EYA4: variants seen among roughly 807,000 people sequenced by gnomAD.
EYA4 encodes the protein protein phosphatase EYA4.
EYA4 carries 31 observed loss-of-function variants against 87.9 expected under a neutral mutation model. The ratio of observed to expected loss-of-function variants is 0.35; its 90% CI spans 0.27 to 0.48. EYA4 has a LOEUF of 0.48. Among genes scored for constraint, EYA4 ranks in the 20% least tolerant of loss-of-function variants. The pLI, the probability that EYA4 is intolerant of heterozygous loss-of-function variation, is 0.99. For synonymous variants in EYA4, 263 were observed against 270.6 expected, an observed-to-expected ratio of 0.97 and a Z score of 0.28; for missense variants, 678 against 761.4, an observed-to-expected ratio of 0.89 and a Z score of 1.29.
chr6:133,333,416 A>T (rs1562299821), intron 2 of EYA4, among the ~76,000 whole-genome samples: 1 of 152,202 alleles, frequency 6.6e-6, no homozygotes, highest in Non-Finnish European at 1.5e-5. Flanking sequence ...GAGAGGACTG[A>T]CACATGAGAA....
At position 133,385,389 on chromosome 6, in the gene EYA4, CTCTGTGTGTGTGTGTGTG is replaced by C. The variant is rs1390467353; in HGVS notation, c.83+2950_83+2967del. Among the ~76,000 whole-genome samples the C allele has an allele frequency of 1.5e-3, 97 of 64,976 alleles. 1 individual carries two copies. The highest frequency in any genetic ancestry group is 3.3e-3 in the African/African-American group (86 of 26,136). 42.6% of individuals were successfully genotyped at this position (64,976 alleles called of 152,430 possible). On this transcript the variant is annotated intron_variant, in intron 3 of 19. Transcript: ENST00000355286. ...TCCTCTGTGTGTGTATGTATGCTCT[CTCTGTGTGTGTGTGTGTG>C]TGTGTGTGTGTGTGTGTGTGTGTGT... is the stretch of plus-strand genomic sequence containing the variant.
At chr6:133,257,629 G>A (rs1478304088) in intron 1 of EYA4, among the ~76,000 whole-genome samples, 2 of 152,172 alleles carry the variant, frequency 1.3e-5, no homozygotes, top group Non-Finnish European at 2.9e-5. Context: ...TCTCACTGCT[G>A]TGAGGGAATT....
chr6:133,426,622 G>T (rs1444270097), intron 3 of EYA4, among the ~76,000 whole-genome samples: 1 of 152,168 alleles, frequency 6.6e-6, no homozygotes, highest in African/African-American at 2.4e-5. Flanking sequence ...GCTTTCAAAA[G>T]CTCTAGCTAC....
Position 133,351,050 on chromosome 6 carries a change from ACTGT to A in EYA4, c.34-31338_34-31335del, listed in dbSNP as rs550466663. On this transcript the variant is annotated intron_variant, in intron 2 of 19. Transcript: ENST00000355286. ...GGAGATGCTGGATATTTGGCTGTTG[ACTGT>A]CTGGGTTTTATTGTCTTTTTTATGG... is the stretch of plus-strand genomic sequence containing the variant. 4.0e-5 allele frequency among the ~76,000 whole-genome samples: 6 copies of A among 151,098 alleles called. No homozygotes were observed. The South Asian group carries it at 1.0e-3, about 26-fold the overall frequency.
At chr6:133,416,867 C>T (rs1020469337) in intron 3 of EYA4, among the ~76,000 whole-genome samples, 5 of 152,098 alleles carry the variant, frequency 3.3e-5, no homozygotes, top group African/African-American at 1.2e-4. Context: ...AGCGTTCAAA[C>T]GGAATGTTCT....
intron 3 of EYA4, among the ~76,000 whole-genome samples, chr6:133,428,911 C>CTTCTTTTTTTTTT (rs1790919538): frequency 2.1e-5 from 1 of 48,230 alleles, no homozygotes; most frequent in Non-Finnish European, 3.6e-5. Context: ...GATTTAGCTT[C>CTTCTTTTTTTTTT]TTTTTTTTTT....
rs531161342 is a variant in EYA4 at position 133,256,833 on chromosome 6, T to G, written c.-66+15084T>G. Reference sequence around the variant, plus strand: ...TCTCCAGAATATTCAGTTCTTGTAGTTTTTGGTTAAGATTTTGATTAATCT... The same window carrying G: ...TCTCCAGAATATTCAGTTCTTGTAGGTTTTGGTTAAGATTTTGATTAATCT... On this transcript the variant is annotated intron_variant, in intron 1 of 19. Transcript: ENST00000355286. Among the ~76,000 whole-genome samples, 31 of 152,248 alleles carry G rather than the reference T, an allele frequency of 2.0e-4. No homozygotes were observed. In the South Asian group the frequency reaches 6.2e-3, roughly 31 times the overall value.
chr6:133,254,002 T>C (rs1206873657), intron 1 of EYA4, among the ~76,000 whole-genome samples: 1 of 152,206 alleles, frequency 6.6e-6, no homozygotes, highest in African/African-American at 2.4e-5. Context: ...TCCTGTTAAC[T>C]TTTTGGAAAA....
At chr6:133,277,774 A>G (rs1436106085) in intron 2 of EYA4, among the ~76,000 whole-genome samples, 1 of 152,184 alleles carries the variant, frequency 6.6e-6, no homozygotes, top group Non-Finnish European at 1.5e-5. Flanking sequence ...AGTGAATGGC[A>G]TCATCAGCTA....
At chr6:133,261,391 C>T (rs966541951) in intron 1 of EYA4, among the ~76,000 whole-genome samples, 3 of 152,180 alleles carry the variant, frequency 2.0e-5, no homozygotes, top group Admixed American at 6.5e-5. Context: ...TCTTAACATC[C>T]TGTTAATACT....
chr6:133,436,236 A>G (rs995416038), intron 3 of EYA4, among the ~76,000 whole-genome samples: 1 of 152,076 alleles, frequency 6.6e-6, no homozygotes, highest in Non-Finnish European at 1.5e-5. Flanking sequence ...AAAAAAAAAA[A>G]AAGAAATTTC....
At chr6:133,526,805 A>G (rs968884515) in intron 19 of EYA4, among the ~76,000 whole-genome samples, 1 of 152,184 alleles carries the variant, frequency 6.6e-6, no homozygotes, top group African/African-American at 2.4e-5. Context: ...TCTTATTGGC[A>G]CCATAGTTAT....
chr6:133,474,748 GA>G (rs1490289134), intron 11 of EYA4, among the ~76,000 whole-genome samples: 12 of 152,094 alleles, frequency 7.9e-5, no homozygotes, highest in Admixed American at 7.9e-4. Context: ...TATAACTATG[GA>G]ATTTTTCTTT....
chr6:133,301,726 C>T lies in EYA4; in HGVS notation c.33+26913C>T, dbSNP rs547790137. 5.6e-4 allele frequency among the ~76,000 whole-genome samples: 85 copies of T among 152,306 alleles called. 1 individual carries two copies. Among genetic ancestry groups the T allele is most frequent in the Admixed American group, 1.5e-3 (23 of 15,304 alleles). Reference sequence around the variant, plus strand: ...GTATCGGAACTGGGATTTGGACCTACCTTCAGAACTCAAGCTCTTATCTAC... The same window carrying T: ...GTATCGGAACTGGGATTTGGACCTATCTTCAGAACTCAAGCTCTTATCTAC... On this transcript the variant is annotated intron_variant, in intron 2 of 19. Coordinates refer to ENST00000355286, the MANE Select transcript of EYA4 (RefSeq NM_004100.5).
chr6:133,437,311 T>C (rs1333818193), intron 3 of EYA4, among the ~76,000 whole-genome samples: 1 of 152,182 alleles, frequency 6.6e-6, no homozygotes, highest in Admixed American at 6.5e-5. Flanking sequence ...GCATTCCTGA[T>C]TGTGATTTCA....
chr6:133,493,654 A>G (rs1797381342), intron 13 of EYA4, among the ~76,000 whole-genome samples: 1 of 152,224 alleles, frequency 6.6e-6, no homozygotes, highest in African/African-American at 2.4e-5. Context: ...AAGTGAAGAG[A>G]TAATCCACAG....
At chr6:133,341,330 A>T (rs762442372) in intron 2 of EYA4, among the ~76,000 whole-genome samples, 8 of 152,158 alleles carry the variant, frequency 5.3e-5, no homozygotes, top group Non-Finnish European at 1.0e-4. Context: ...AAATTCATTC[A>T]CCTGTCCATC....
At chr6:133,473,280 T>C (rs1196964478) in intron 11 of EYA4, among the ~76,000 whole-genome samples, 1 of 152,006 alleles carries the variant, frequency 6.6e-6, no homozygotes, top group Non-Finnish European at 1.5e-5. Flanking sequence ...GATTATTTAT[T>C]GAGTATATAT....
Position 133,327,706 on chromosome 6 carries a change from ATGCTTTACCT to A in EYA4, c.33+52895_33+52904del, listed in dbSNP as rs1285761432. Among the ~76,000 whole-genome samples, 8 of 152,308 alleles carry A rather than the reference ATGCTTTACCT, an allele frequency of 5.3e-5. No homozygotes were observed. The East Asian group carries it at 9.7e-4, about 18-fold the overall frequency. Reference sequence around the variant, plus strand: ...AATGGAATTGTACAAGGGATTAGTGATGCTTTACCTTTTATATCAGAAAAATTCTCAGAAG... The same window carrying A: ...AATGGAATTGTACAAGGGATTAGTGATTTATATCAGAAAAATTCTCAGAAG... On this transcript the variant is annotated intron_variant, in intron 2 of 19. Transcript: ENST00000355286.
Sources: allele counts gnomAD v4.1 joint callset (sites outside exome capture counted in the v4.1 genomes callset), GRCh38; gene constraint gnomAD v4.1.1; transcripts MANE v1.5; gene names NCBI Gene and HGNC (gene_info 2026-07-23, HGNC 2026-07-21).